HOMER2: variants seen among roughly 807,000 people sequenced by gnomAD.
HOMER2 encodes the protein homer protein homolog 2.
HOMER2 carries 27 observed loss-of-function variants against 47.0 expected under a neutral mutation model. The ratio of observed to expected loss-of-function variants is 0.57; its 90% CI spans 0.42 to 0.79. HOMER2 has a LOEUF of 0.79. HOMER2 is among the 30% of genes least tolerant of loss of function. The probability of loss-of-function intolerance (pLI) is 0.00; values close to 1 mark genes in which losing one functional copy is unlikely to be tolerated. For missense variants in HOMER2, 443 were observed against 435.0 expected, an observed-to-expected ratio of 1.02 and a Z score of -0.16; for synonymous variants, 161 against 163.8, an observed-to-expected ratio of 0.98 and a Z score of 0.13.
At chr15:82,946,186 T>G (rs541868504) in intron 1 of HOMER2, among the ~76,000 whole-genome samples, 1 of 152,294 alleles carries the variant, frequency 6.6e-6, no homozygotes, top group East Asian at 1.9e-4. Context: ...AAATAAACCA[T>G]GTGCTCTGCT....
intron 2 of HOMER2, among the ~76,000 whole-genome samples, chr15:82,878,458 G>A (rs989135730): frequency 1.3e-5 from 2 of 152,130 alleles, no homozygotes; most frequent in Non-Finnish European, 2.9e-5. Context: ...AAGCAACAAC[G>A]GACTGATTTC....
intron 1 of HOMER2, among the ~76,000 whole-genome samples, chr15:82,893,129 G>A (rs558066824): frequency 6.6e-5 from 10 of 152,122 alleles, no homozygotes; most frequent in Admixed American, 2.0e-4. Flanking sequence ...TCGAATCCCC[G>A]TCAAGTGTCC....
chr15:82,979,386 T>C (rs2030316209), intron 1 of HOMER2, among the ~76,000 whole-genome samples: 1 of 152,160 alleles, frequency 6.6e-6, no homozygotes, highest in African/African-American at 2.4e-5. Flanking sequence ...GATCCAGGCC[T>C]AGATATAATC....
intron 5 of HOMER2, among the ~76,000 whole-genome samples, chr15:82,857,230 A>G (rs1193260706): frequency 6.6e-6 from 1 of 152,042 alleles, no homozygotes; most frequent in Non-Finnish European, 1.5e-5. Flanking sequence ...CCACCTGTGA[A>G]GACACAGGGA....
exon 2 of HOMER2, chr15:82,842,076 GATTT>G (rs2051181703): frequency 6.6e-6 from 1 of 152,054 alleles, no homozygotes; most frequent in South Asian, 2.1e-4. Context: ...AAAAGCGATA[GATTT>G]AATTTTCATT....
chr15:82,845,031 C>T (rs576967575), downstream of HOMER2: 2 of 152,216 alleles, frequency 1.3e-5, no homozygotes, highest in African/African-American at 4.8e-5. Flanking sequence ...GGCTCTGCAC[C>T]GTCAAAGAGA....
At chr15:82,964,518 C>T (rs1787961403) in intron 1 of HOMER2, among the ~76,000 whole-genome samples, 1 of 152,220 alleles carries the variant, frequency 6.6e-6, no homozygotes. Context: ...GTAATCCCAA[C>T]ACTTTGGGAG....
chr15:82,906,064 T>A (rs1424731902), intron 1 of HOMER2, among the ~76,000 whole-genome samples: 2 of 152,224 alleles, frequency 1.3e-5, no homozygotes, highest in African/African-American at 4.8e-5. Context: ...TTTGTTATTA[T>A]AAATTACTTG....
At chr15:82,876,855 C>T (rs1367097868) in intron 2 of HOMER2, among the ~76,000 whole-genome samples, 2 of 152,176 alleles carry the variant, frequency 1.3e-5, no homozygotes, top group Non-Finnish European at 1.5e-5. Flanking sequence ...AGATACAAAC[C>T]GTTGCCTTAA....
At chr15:82,943,934 G>C (rs959264318) in intron 1 of HOMER2, among the ~76,000 whole-genome samples, 2 of 152,126 alleles carry the variant, frequency 1.3e-5, no homozygotes, top group Non-Finnish European at 2.9e-5. Flanking sequence ...GACTCCTCTG[G>C]CTAGTGGCAA....
At chr15:82,938,231 G>A (rs1056427139) in intron 1 of HOMER2, among the ~76,000 whole-genome samples, 2 of 152,100 alleles carry the variant, frequency 1.3e-5, no homozygotes, top group African/African-American at 4.8e-5. Flanking sequence ...AAAATTAACC[G>A]GGCGTGGTGG....
At chr15:82,904,593 A>G (rs887327224) in intron 1 of HOMER2, among the ~76,000 whole-genome samples, 3 of 152,218 alleles carry the variant, frequency 2.0e-5, no homozygotes, top group Non-Finnish European at 4.4e-5. Context: ...CCAGGGCCCA[A>G]TCAGCTGGGG....
chr15:82,946,624 T>A (rs1271904895), intron 1 of HOMER2, among the ~76,000 whole-genome samples: 1 of 152,138 alleles, frequency 6.6e-6, no homozygotes, highest in Non-Finnish European at 1.5e-5. Context: ...CCATCTAAAA[T>A]CTCTATCCTA....
intron 1 of HOMER2, among the ~76,000 whole-genome samples, chr15:82,968,824 T>C (rs1163079160): frequency 1.3e-5 from 2 of 152,134 alleles, no homozygotes; most frequent in Admixed American, 6.5e-5. Context: ...AGACAAACTA[T>C]AGGTTTCAGC....
At chr15:82,945,699 G>A (rs948717461) in intron 1 of HOMER2, among the ~76,000 whole-genome samples, 12 of 151,940 alleles carry the variant, frequency 7.9e-5, no homozygotes, top group South Asian at 4.1e-4. Flanking sequence ...GGCCGGGCGC[G>A]GTGGCTGACG....
chr15:82,859,314 T>A (rs75065892), intron 4 of HOMER2, 179 bp from the exon 5 acceptor site: 2 of 820,970 alleles, frequency 2.4e-6, no homozygotes, highest in Non-Finnish European at 3.8e-6. Flanking sequence ...GTTTTTTTTT[T>A]AAACAAACAA....
chr15:82,872,557 A>G lies in HOMER2; in HGVS notation c.294+2716T>C, dbSNP rs989450906. Among the ~76,000 whole-genome samples, 4 of 152,178 alleles carry G rather than the reference A, an allele frequency of 2.6e-5. No individual in the cohort carries two copies. The South Asian group carries it at 8.3e-4, about 32-fold the overall frequency. On this transcript the variant is annotated intron_variant, in intron 3 of 8. Transcript: ENST00000450735. ...AAATCCTTCTCAGGCCATAGGACAA[A>G]GTCCAGAAGCTCTGGCATGACCAAT...
chr15:82,855,074 T>C (rs1047652333), intron 5 of HOMER2, among the ~76,000 whole-genome samples: 1 of 152,102 alleles, frequency 6.6e-6, no homozygotes. Context: ...CAGTGGCTCA[T>C]GCCTGTAATC....
intron 2 of HOMER2, among the ~76,000 whole-genome samples, chr15:82,876,373 T>C (rs965963696): frequency 1.3e-5 from 2 of 152,204 alleles, no homozygotes; most frequent in African/African-American, 4.8e-5. Context: ...CACCAGACAT[T>C]CTGCTAATCA....
Sources: gnomAD v4.1 joint callset for allele counts (sites outside exome capture counted in the v4.1 genomes callset) on GRCh38, gnomAD v4.1.1 for gene constraint, MANE v1.5 for transcripts, NCBI Gene and HGNC (gene_info 2026-07-23, HGNC 2026-07-21) for gene names.